The following ATP9B variants were observed in gnomAD, a reference collection of about 807,000 sequenced individuals.
ATP9B encodes probable phospholipid-transporting ATPase IIB.
ATP9B carries 110 observed loss-of-function variants against 146.1 expected under a neutral mutation model. That is an observed-to-expected ratio of 0.75 (90% CI 0.65 to 0.88). The LOEUF (loss-of-function observed/expected upper bound fraction) is 0.88, where lower values mean the gene tolerates loss of function less well. Among genes scored for constraint, ATP9B ranks in the 40% least tolerant of loss-of-function variants. The probability of loss-of-function intolerance (pLI) is 0.00; values close to 1 mark genes in which losing one functional copy is unlikely to be tolerated. For missense variants in ATP9B, 1,499 were observed against 1,496.4 expected (o/e 1.00, Z -0.03); for synonymous variants, 604 against 569.7 (o/e 1.06, Z -0.86).
chr18:79,166,351 A>AT (rs2094964775), intron 7 of ATP9B, among the ~76,000 whole-genome samples: 1 of 152,100 alleles, frequency 6.6e-6, no homozygotes, highest in African/African-American at 2.4e-5. Context: ...CTCGGAGCAA[A>AT]TGTGAAAGGA....
chr18:79,314,165 A>G (rs1330663057), intron 15 of ATP9B, among the ~76,000 whole-genome samples: 5 of 152,190 alleles, frequency 3.3e-5, no homozygotes, highest in Admixed American at 3.3e-4. Flanking sequence ...CACAACATCT[A>G]TGGTTAATAA....
At chr18:79,070,059 T>C (rs2071541779) in intron 1 of ATP9B, among the ~76,000 whole-genome samples, 2 of 152,190 alleles carry the variant, frequency 1.3e-5, no homozygotes, top group South Asian at 4.1e-4. Flanking sequence ...ATTTTGCTTT[T>C]ACGAAAGGGA....
intron 15 of ATP9B, among the ~76,000 whole-genome samples, chr18:79,310,526 G>T (rs2096646699): frequency 6.6e-6 from 1 of 152,196 alleles, no homozygotes; most frequent in African/African-American, 2.4e-5. Flanking sequence ...TCTTGTCTAG[G>T]CTTCTAGAAG....
At chr18:79,337,471 T>G in intron 19 of ATP9B, 22 bp downstream of exon 19, 1 of 1,596,474 alleles carries the variant, frequency 6.3e-7, no homozygotes, top group Non-Finnish European at 8.5e-7. Flanking sequence ...TCACCTCTGC[T>G]GGCGCGCGCT....
chr18:79,163,802 TTTAG>T (rs1306641716), intron 7 of ATP9B, among the ~76,000 whole-genome samples: 2 of 151,916 alleles, frequency 1.3e-5, no homozygotes, highest in East Asian at 3.9e-4. Context: ...ACCTCAATTG[TTTAG>T]TTATTTACCT....
chr18:79,362,179 TCTC>T (rs1408592295), intron 26 of ATP9B: 3 of 152,092 alleles, frequency 2.0e-5, no homozygotes, highest in East Asian at 1.9e-4. Context: ...GGAAAGAAAA[TCTC>T]CTCTTTTTTA....
intron 15 of ATP9B, among the ~76,000 whole-genome samples, chr18:79,318,400 T>G (rs2096694725): frequency 6.7e-6 from 1 of 148,964 alleles, no homozygotes; most frequent in Non-Finnish European, 1.5e-5. Flanking sequence ...ACAGCCCCAG[T>G]CTACTCGTGA....
At chr18:79,194,745 G>T (rs1600345843) in intron 9 of ATP9B, 2 of 152,330 alleles carry the variant, frequency 1.3e-5, no homozygotes, top group South Asian at 2.1e-4. Flanking sequence ...TAGCAGAAAT[G>T]TGAGACAGAA....
intron 8 of ATP9B, among the ~76,000 whole-genome samples, chr18:79,187,754 A>G (rs531352517): frequency 2.6e-5 from 4 of 152,318 alleles, no homozygotes; most frequent in African/African-American, 9.6e-5. Flanking sequence ...TTTCATTAGC[A>G]TCAGTTGTTT....
intron 19 of ATP9B, among the ~76,000 whole-genome samples, chr18:79,337,706 G>A (rs1407372726): frequency 6.6e-6 from 1 of 152,164 alleles, no homozygotes. Context: ...TTTCTAAAGA[G>A]GAGTCCTGGT....
At chr18:79,151,933 A>C (rs1352242850) in intron 6 of ATP9B, among the ~76,000 whole-genome samples, 2 of 152,226 alleles carry the variant, frequency 1.3e-5, no homozygotes, top group Non-Finnish European at 2.9e-5. Context: ...TGTCCATCTG[A>C]CAGAGGGCCA....
chr18:79,202,995 A>G (rs1390101032), intron 9 of ATP9B, among the ~76,000 whole-genome samples: 2 of 152,258 alleles, frequency 1.3e-5, no homozygotes, highest in African/African-American at 4.8e-5. Context: ...AAAGATTGAC[A>G]TGCATCAATA....
chr18:79,104,078 T>C (rs1233007983), intron 2 of ATP9B, among the ~76,000 whole-genome samples: 2 of 152,084 alleles, frequency 1.3e-5, no homozygotes, highest in Admixed American at 6.6e-5. Flanking sequence ...CCCTTCCTTT[T>C]TGCACCCTGG....
intron 5 of ATP9B, among the ~76,000 whole-genome samples, chr18:79,127,587 C>T (rs971951125): frequency 1.3e-5 from 2 of 152,138 alleles, no homozygotes; most frequent in Non-Finnish European, 2.9e-5. Context: ...TGATAGAGCA[C>T]ATTTTGTGTA....
chr18:79,084,218 T>C (rs2073585551), intron 1 of ATP9B, among the ~76,000 whole-genome samples: 1 of 151,884 alleles, frequency 6.6e-6, no homozygotes, highest in African/African-American at 2.4e-5. Context: ...TGTTTGAACA[T>C]GTTCATCATG....
At chr18:79,112,873 T>C (rs2093998465) in intron 3 of ATP9B, among the ~76,000 whole-genome samples, 1 of 152,210 alleles carries the variant, frequency 6.6e-6, no homozygotes, top group Non-Finnish European at 1.5e-5. Context: ...CTTGCTAACA[T>C]TGGGAAGGTT....
At chr18:79,350,387 G>C (rs2096916183) in intron 25 of ATP9B, among the ~76,000 whole-genome samples, 1 of 152,346 alleles carries the variant, frequency 6.6e-6, no homozygotes. Context: ...CCCCATGATC[G>C]TAAGCATTGC....
intron 4 of ATP9B, among the ~76,000 whole-genome samples, chr18:79,123,450 T>C (rs1337297939): frequency 6.6e-6 from 1 of 151,942 alleles, no homozygotes; most frequent in Non-Finnish European, 1.5e-5. Context: ...GACTTAATAT[T>C]GTTAAGATGG....
chr18:79,255,511 G>A (rs774566397), intron 12 of ATP9B, among the ~76,000 whole-genome samples: 5 of 152,182 alleles, frequency 3.3e-5, no homozygotes, highest in Non-Finnish European at 5.9e-5. Flanking sequence ...GTCCAGTGTC[G>A]TGTGAGAAGA....
Sources: allele counts gnomAD v4.1 joint callset (sites outside exome capture counted in the v4.1 genomes callset), GRCh38; gene constraint gnomAD v4.1.1; transcripts MANE v1.5; gene names NCBI Gene and HGNC (gene_info 2026-07-23, HGNC 2026-07-21).